WIPF2: variants seen among roughly 807,000 people sequenced by gnomAD.
WIPF2 encodes WAS/WASL interacting protein family member 2, also known as WAS/WASL-interacting protein family member 2.
In WIPF2, 23 loss-of-function variants were observed where a neutral mutation model predicts 38.8. The observed-to-expected ratio is 0.59, with a 90% CI of 0.43 to 0.84. WIPF2 has a LOEUF of 0.84. Ranked by LOEUF, WIPF2 falls within the 40% of genes least tolerant of loss-of-function variation. The probability of loss-of-function intolerance (pLI) is 0.00; values close to 1 mark genes in which losing one functional copy is unlikely to be tolerated. For missense variants in WIPF2, 574 were observed against 580.5 expected, an observed-to-expected ratio of 0.99 and a Z score of 0.11; for synonymous variants, 210 against 223.2, an observed-to-expected ratio of 0.94 and a Z score of 0.53.
At chr17:40,268,441 CT>C (rs2032154982) in intron 5 of WIPF2, among the ~76,000 whole-genome samples, 1 of 152,050 alleles carries the variant, frequency 6.6e-6, no homozygotes. Context: ...TCTTTCTGAC[CT>C]CATCCAGGAA....
chr17:40,225,755 C>CA (rs1488110203), intron 1 of WIPF2, among the ~76,000 whole-genome samples: 3 of 152,074 alleles, frequency 2.0e-5, no homozygotes, highest in Non-Finnish European at 2.9e-5. Flanking sequence ...GGCTCAGGCT[C>CA]AGGTGTTCTT....
chr17:40,252,156 TA>T (rs1048319871), intron 1 of WIPF2, among the ~76,000 whole-genome samples: 18 of 152,122 alleles, frequency 1.2e-4, no homozygotes, highest in East Asian at 1.9e-4. Flanking sequence ...ATATATTGCT[TA>T]AAAAAAATTG....
intron 5 of WIPF2, among the ~76,000 whole-genome samples, chr17:40,271,519 A>C (rs2032246938): frequency 1.3e-5 from 2 of 152,104 alleles, no homozygotes; most frequent in African/African-American, 4.8e-5. Flanking sequence ...AAAAAAAAAA[A>C]ATTGAACATG....
intron 1 of WIPF2, among the ~76,000 whole-genome samples, chr17:40,236,257 A>G (rs1333082887): frequency 6.7e-6 from 1 of 148,964 alleles, no homozygotes; most frequent in Non-Finnish European, 1.5e-5. Context: ...GCATGAGTCA[A>G]CTGTGCCCAG....
intron 1 of WIPF2, among the ~76,000 whole-genome samples, chr17:40,252,665 A>C (rs2031595973): frequency 6.6e-6 from 1 of 151,876 alleles, no homozygotes; most frequent in South Asian, 2.1e-4. Flanking sequence ...GTCTCAAAAA[A>C]AAAAAAAACT....
chr17:40,269,322 A>T (rs1329607116), intron 5 of WIPF2, among the ~76,000 whole-genome samples: 4 of 151,838 alleles, frequency 2.6e-5, no homozygotes, highest in Non-Finnish European at 4.4e-5. Context: ...TCTGTCTCAA[A>T]AAATAAATAA....
Position 40,240,610 on chromosome 17 carries a change from T to C in WIPF2, c.-69-15781T>C, listed in dbSNP as rs1386467191. ...GACATCTCTCTCTCTGCTGTCTCCT[T>C]TCCCAGTTTTTTTGCTTGTTGTTTG... On this transcript the variant is annotated intron_variant, in intron 1 of 7. Coordinates refer to ENST00000323571, the MANE Select transcript of WIPF2 (RefSeq NM_133264.5). Among the ~76,000 whole-genome samples, 8 of 151,908 alleles carry C rather than the reference T, an allele frequency of 5.3e-5. No individual in the cohort carries two copies. In the East Asian group the frequency reaches 1.5e-3, roughly 29 times the overall value.
intron 5 of WIPF2, among the ~76,000 whole-genome samples, chr17:40,270,935 A>C (rs925423059): frequency 6.6e-6 from 1 of 151,610 alleles, no homozygotes; most frequent in Admixed American, 6.6e-5. Context: ...ATGCTTAACT[A>C]TAGTCACTAC....
At chr17:40,232,001 G>T (rs2030763961) in intron 1 of WIPF2, among the ~76,000 whole-genome samples, 1 of 145,706 alleles carries the variant, frequency 6.9e-6, no homozygotes, top group African/African-American at 2.5e-5. Context: ...AGAGAGTTAA[G>T]GTAATTGATT....
At chr17:40,250,450 C>A (rs562118085) in intron 1 of WIPF2, among the ~76,000 whole-genome samples, 1 of 149,034 alleles carries the variant, frequency 6.7e-6, no homozygotes, top group Non-Finnish European at 1.5e-5. Context: ...AGGGTTTCAC[C>A]GTGTTGGACA....
At chr17:40,274,049 C>T in intron 6 of WIPF2, 50 bp downstream of exon 6, 1 of 1,428,350 alleles carries the variant, frequency 7.0e-7, no homozygotes, top group Non-Finnish European at 9.4e-7. Context: ...TGACTTCACC[C>T]ACTCCAGTGC....
At chr17:40,275,175 A>T (rs2145414125) in intron 6 of WIPF2, among the ~76,000 whole-genome samples, 1 of 130,144 alleles carries the variant, frequency 7.7e-6, no homozygotes, top group East Asian at 2.7e-4. Flanking sequence ...CAGGAGGTGG[A>T]GGTTGCAGTG....
intron 1 of WIPF2, chr17:40,220,577 A>ATATATATATATATATATATATG (rs2030144626): frequency 5.6e-5 from 1 of 17,980 alleles, no homozygotes; most frequent in African/African-American, 1.7e-4. Flanking sequence ...GTGTGTGTAT[A>ATATATATATATATATATATATG]TATATATATA....
At chr17:40,226,810 C>T (rs962337204) in intron 1 of WIPF2, among the ~76,000 whole-genome samples, 3 of 151,504 alleles carry the variant, frequency 2.0e-5, no homozygotes, top group Admixed American at 6.6e-5. Context: ...GGCACAATCT[C>T]GGCTCACTGC....
At chr17:40,221,351 C>T (rs1328190146) in intron 1 of WIPF2, among the ~76,000 whole-genome samples, 1 of 152,050 alleles carries the variant, frequency 6.6e-6, no homozygotes, top group Non-Finnish European at 1.5e-5. Flanking sequence ...TATAGGTTTT[C>T]TCTGTCCCTG....
At chr17:40,240,944 CAA>C (rs199547902) in intron 1 of WIPF2, among the ~76,000 whole-genome samples, 67 of 86,978 alleles carry the variant, frequency 7.7e-4, no homozygotes, top group African/African-American at 2.1e-3. Flanking sequence ...GACTCCGTCT[CAA>C]AAAAAAAAAA....
At chr17:40,267,796 C>G (rs2032137973) in intron 5 of WIPF2, among the ~76,000 whole-genome samples, 1 of 152,106 alleles carries the variant, frequency 6.6e-6, no homozygotes, top group Non-Finnish European at 1.5e-5. Flanking sequence ...GCGCCCAGCC[C>G]TTAGCTTTTA....
chr17:40,224,165 A>G (rs1193956874), intron 1 of WIPF2, among the ~76,000 whole-genome samples: 3 of 148,084 alleles, frequency 2.0e-5, no homozygotes, highest in South Asian at 4.2e-4. Context: ...GAGATAACAT[A>G]TGGAGGCTCG....
intron 1 of WIPF2, among the ~76,000 whole-genome samples, chr17:40,236,754 G>A (rs953278840): frequency 2.6e-5 from 4 of 151,546 alleles, no homozygotes; most frequent in African/African-American, 9.7e-5. Context: ...GATTACAGGC[G>A]CCCACCATCA....
Sources: gnomAD v4.1 joint callset for allele counts (sites outside exome capture counted in the v4.1 genomes callset) on GRCh38, gnomAD v4.1.1 for gene constraint, MANE v1.5 for transcripts, NCBI Gene and HGNC (gene_info 2026-07-23, HGNC 2026-07-21) for gene names.